The following ZNF254 variants were observed in gnomAD, a reference collection of about 807,000 sequenced individuals.
ZNF254 encodes zinc finger protein 254, also known as CTD-2017D11.1.
A neutral mutation model predicts 12.4 loss-of-function variants in ZNF254; 10 were observed. The ratio of observed to expected loss-of-function variants is 0.80; its 90% CI spans 0.50 to 1.36. ZNF254 has a LOEUF of 1.36. ZNF254 is among the 40% of genes most tolerant of loss of function. ZNF254 has a pLI of 0.00. For synonymous variants in ZNF254, 305 were observed against 253.4 expected (o/e 1.20, Z -1.93); for missense variants, 996 against 763.9 (o/e 1.30, Z -3.58).
intron 3 of ZNF254, among the ~76,000 whole-genome samples, chr19:24,124,816 C>T (rs1974720477): frequency 1.3e-5 from 2 of 151,852 alleles, no homozygotes; most frequent in South Asian, 2.1e-4. Flanking sequence ...ATCCTCCAGC[C>T]AGGCTTGAGT....
chr19:24,048,865 G>T (rs1970511750), intron 2 of ZNF254: 1 of 151,980 alleles, frequency 6.6e-6, no homozygotes, highest in Non-Finnish European at 1.5e-5. Context: ...TGCTTCCTTA[G>T]TAACTGGGAC....
chr19:24,059,360 T>G (rs1420698745), intron 2 of ZNF254, among the ~76,000 whole-genome samples: 2 of 152,192 alleles, frequency 1.3e-5, no homozygotes, highest in African/African-American at 4.8e-5. Context: ...CAGAACTTAC[T>G]TGATGCGACT....
intron 1 of ZNF254, among the ~76,000 whole-genome samples, chr19:24,095,095 A>G (rs949272406): frequency 6.6e-6 from 1 of 152,216 alleles, no homozygotes; most frequent in African/African-American, 2.4e-5. Flanking sequence ...GGTTTTTAAC[A>G]TGAAAGATGT....
intron 3 of ZNF254, chr19:24,107,315 CTTA>C (rs971374240): frequency 2.0e-6 from 1 of 510,774 alleles, no homozygotes; most frequent in Non-Finnish European, 3.4e-6. Context: ...TTTCATAATA[CTTA>C]TTCTTTCAAT....
chr19:24,110,511 A>G (rs1973602896), intron 3 of ZNF254, among the ~76,000 whole-genome samples: 1 of 152,006 alleles, frequency 6.6e-6, no homozygotes, highest in Non-Finnish European at 1.5e-5. Flanking sequence ...GGCTGCAGTG[A>G]GCCATAATTG....
At chr19:24,063,695 C>A (rs577737785) in intron 2 of ZNF254, 2 of 151,904 alleles carry the variant, frequency 1.3e-5, no homozygotes, top group Non-Finnish European at 2.9e-5. Flanking sequence ...GGGCCCAGCA[C>A]GTAGCTGATG....
At chr19:24,070,840 G>C (rs923102910) in intron 2 of ZNF254, among the ~76,000 whole-genome samples, 2 of 152,124 alleles carry the variant, frequency 1.3e-5, no homozygotes, top group Admixed American at 6.5e-5. Flanking sequence ...AGAGTACATT[G>C]TGACATATCA....
chr19:24,050,075 T>A (rs558185797), intron 2 of ZNF254, among the ~76,000 whole-genome samples: 2 of 152,238 alleles, frequency 1.3e-5, no homozygotes, highest in South Asian at 4.1e-4. Flanking sequence ...ATGAGTCTCC[T>A]GCCTGGACCC....
chr19:24,090,363 T>C (rs1310831418), intron 1 of ZNF254, among the ~76,000 whole-genome samples: 1 of 152,140 alleles, frequency 6.6e-6, no homozygotes, highest in Non-Finnish European at 1.5e-5. Context: ...TCTCAAGTAA[T>C]TGGATGGCCT....
In ZNF254 at chr19:24,042,607, G is replaced by A. The variant is rs541826875; in HGVS notation, c.-189-3577G>A. On this transcript the variant is annotated intron_variant, in intron 1 of 4. Transcript: ENST00000613065. ...ACATCAGAAGGGACAGACTCCAGAC[G>A]CGCCACCTTAAGAGCTGTAACACTC... Among the ~76,000 whole-genome samples, 6 of 152,198 alleles carry A rather than the reference G, an allele frequency of 3.9e-5. 1 individual carries two copies. The South Asian group carries it at 1.0e-3, about 26-fold the overall frequency.
intron 2 of ZNF254, chr19:24,066,145 G>A (rs1271275468): frequency 6.6e-6 from 1 of 152,130 alleles, no homozygotes; most frequent in East Asian, 1.9e-4. Context: ...TCCTCATCCA[G>A]GAGATGTGAC....
At chr19:24,085,426 A>ATATATATATATATATATATATATATATAT (rs369443689), upstream of ZNF254, among the ~76,000 whole-genome samples, 343 of 105,518 alleles carry the variant, frequency 3.3e-3, 20 homozygotes, top group Non-Finnish European at 3.7e-3. Context: ...ATATATATAT[A>ATATATATATATATATATATATATATATAT]AAAACTAAGA....
rs1974909185 is a variant in ZNF254, at chr19:24,127,030, C to T, written c.1030C>T (p.His344Tyr). 2 of 1,613,602 alleles carry T rather than the reference C, an allele frequency of 1.2e-6. No individual in the cohort carries two copies. Among genetic ancestry groups the T allele is most frequent in the Middle Eastern group, 3.3e-4 (2 of 6,054 alleles). ...AACACTAACTAGACATAAGAGGATG[C>T]ACACTGGAGAGAAACCCTACAAATG... ...SSTLTRHKRMHTGEKPYKCEE... is the reference protein window; with the variant it reads ...SSTLTRHKRMYTGEKPYKCEE... Residue 344 changes from histidine (H) to tyrosine (Y), a missense_variant, in exon 4 of 4, where the codon CAC (histidine) becomes TAC (tyrosine). Transcript: ENST00000357002.
intron 2 of ZNF254, among the ~76,000 whole-genome samples, chr19:24,062,692 C>T (rs67543818): frequency 0.15 from 22,596 of 152,206 alleles, 1,940 homozygotes; most frequent in Middle Eastern, 0.23. Context: ...TTGGAGGCAG[C>T]TGAGTGTTGG....
intron 3 of ZNF254, chr19:24,106,899 AAG>A: frequency 2.4e-6 from 1 of 415,788 alleles, no homozygotes; most frequent in Non-Finnish European, 4.2e-6. Context: ...TGGCATACAA[AAG>A]AGTGTACAAT....
upstream of ZNF254, among the ~76,000 whole-genome samples, chr19:24,085,824 G>A (rs1480268826): frequency 1.3e-5 from 2 of 151,906 alleles, no homozygotes; most frequent in Non-Finnish European, 2.9e-5. Flanking sequence ...GATGAAGAAA[G>A]TTAGAAACAT....
chr19:24,042,160 G>C (rs923389308), intron 1 of ZNF254, among the ~76,000 whole-genome samples: 2 of 151,760 alleles, frequency 1.3e-5, no homozygotes, highest in African/African-American at 2.4e-5. Flanking sequence ...TGCACCAGTC[G>C]ACACTCTGTA....
At chr19:24,034,682 G>C (rs1328692997) in intron 1 of ZNF254, among the ~76,000 whole-genome samples, 1 of 151,674 alleles carries the variant, frequency 6.6e-6, no homozygotes, top group Non-Finnish European at 1.5e-5. Context: ...TCACCATTTT[G>C]GCCAGGCTGT....
rs964716257 is a variant in ZNF254 at position 24,127,212 on chromosome 19, A to G, written c.1212A>G (p.Lys404=). 6.2e-7 allele frequency: 1 copy of G among 1,613,188 alleles called. No homozygotes were observed. The highest frequency in any genetic ancestry group is 8.5e-7 in the Non-Finnish European group (1 of 1,179,548). ...ATAAAATAATTCATGTTGGAGAGAA[A>G]CTCTACAAATGTGAAGAATGCGGCA... The part of the protein sequence containing the change: ...TTHKIIHVGE[K]LYKCEECGKG... Residue 404 remains lysine (K), a synonymous_variant, in exon 4 of 4, where the codon AAA becomes AAG. Transcript: ENST00000357002.
Sources: allele counts gnomAD v4.1 joint callset (sites outside exome capture counted in the v4.1 genomes callset), GRCh38; gene constraint gnomAD v4.1.1; transcripts MANE v1.5; gene names NCBI Gene and HGNC (gene_info 2026-07-23, HGNC 2026-07-21).